GREB1: variants seen among roughly 807,000 people sequenced by gnomAD.
GREB1 encodes protein GREB1.
GREB1 carries 106 observed loss-of-function variants against 200.7 expected under a neutral mutation model. The ratio of observed to expected loss-of-function variants is 0.53; its 90% CI spans 0.45 to 0.62. The LOEUF is 0.62. GREB1 is among the 20% of genes least tolerant of loss of function. The probability of loss-of-function intolerance (pLI) is 0.00; values close to 1 mark genes in which losing one functional copy is unlikely to be tolerated. For missense variants in GREB1, 2,243 were observed against 2,556.8 expected (o/e 0.88, Z 2.65); for synonymous variants, 1,132 against 1,092.4 (o/e 1.04, Z -0.72).
At chr2:11,523,316 A>C (rs144948047) in intron 1 of GREB1, among the ~76,000 whole-genome samples, 1 of 152,056 alleles carries the variant, frequency 6.6e-6, no homozygotes, top group Admixed American at 6.5e-5. Flanking sequence ...CAATCTGTGC[A>C]AAACCCCCCC....
chr2:11,628,183 C>A (rs1351258139), intron 25 of GREB1, among the ~76,000 whole-genome samples: 1 of 152,178 alleles, frequency 6.6e-6, no homozygotes, highest in African/African-American at 2.4e-5. Context: ...GTCTCTTAGT[C>A]CCATGGAGGT....
chr2:11,608,276 T>A (rs1682592295), intron 17 of GREB1, among the ~76,000 whole-genome samples: 1 of 152,228 alleles, frequency 6.6e-6, no homozygotes, highest in Non-Finnish European at 1.5e-5. Flanking sequence ...ACAAGTTCAG[T>A]CTTTCCTCTA....
chr2:11,564,364 G>C (rs1444176133), intron 3 of GREB1, among the ~76,000 whole-genome samples: 1 of 152,084 alleles, frequency 6.6e-6, no homozygotes, highest in Non-Finnish European at 1.5e-5. Flanking sequence ...TATTTAAAAG[G>C]CCACTGAATT....
At chr2:11,527,985 G>T (rs1428450010) in intron 1 of GREB1, among the ~76,000 whole-genome samples, 1 of 152,094 alleles carries the variant, frequency 6.6e-6, no homozygotes, top group Non-Finnish European at 1.5e-5. Flanking sequence ...TCTTCTTTCT[G>T]CACTGACAGT....
intron 25 of GREB1, among the ~76,000 whole-genome samples, chr2:11,628,060 G>T (rs1684607931): frequency 1.3e-5 from 2 of 152,128 alleles, no homozygotes; most frequent in African/African-American, 4.8e-5. Flanking sequence ...AACTCGGAGG[G>T]CAGGCAGAGG....
At chr2:11,638,889 C>A in intron 32 of GREB1, 80 bp downstream of exon 32, 1 of 1,438,568 alleles carries the variant, frequency 7.0e-7, no homozygotes, top group Non-Finnish European at 9.5e-7. Flanking sequence ...GACCTTTGGT[C>A]CTAGTCCTTA....
At chr2:11,485,040 C>T (rs1023159767) in intron 1 of GREB1, among the ~76,000 whole-genome samples, 3 of 152,046 alleles carry the variant, frequency 2.0e-5, no homozygotes, top group East Asian at 3.9e-4. Context: ...GGGGTTTCAC[C>T]GTGGTCTCCA....
At chr2:11,569,886 G>A (rs1251562553) in intron 4 of GREB1, among the ~76,000 whole-genome samples, 1 of 152,082 alleles carries the variant, frequency 6.6e-6, no homozygotes, top group Non-Finnish European at 1.5e-5. Context: ...AGCGTGGCGG[G>A]GTGGGGTGCC....
intron 20 of GREB1, among the ~76,000 whole-genome samples, chr2:11,615,607 A>G (rs1322060110): frequency 1.3e-5 from 2 of 152,214 alleles, no homozygotes; most frequent in Non-Finnish European, 2.9e-5. Flanking sequence ...TTAGAGTTCA[A>G]GTTCAAAATT....
At chr2:11,589,257 A>T (rs1680488835) in intron 10 of GREB1, among the ~76,000 whole-genome samples, 1 of 152,196 alleles carries the variant, frequency 6.6e-6, no homozygotes, top group African/African-American at 2.4e-5. Context: ...AACCAGTGGA[A>T]AACAGGCAGG....
chr2:11,524,286 A>G (rs1468132024), intron 1 of GREB1, among the ~76,000 whole-genome samples: 1 of 152,218 alleles, frequency 6.6e-6, no homozygotes, highest in African/African-American at 2.4e-5. Context: ...TCTCATGGCC[A>G]GGCCCAGGAG....
intron 4 of GREB1, among the ~76,000 whole-genome samples, chr2:11,575,697 T>C (rs576009661): frequency 6.6e-6 from 1 of 152,346 alleles, no homozygotes; most frequent in African/African-American, 2.4e-5. Flanking sequence ...ATCAACTTGA[T>C]AGCAGGATGG....
intron 1 of GREB1, among the ~76,000 whole-genome samples, chr2:11,553,893 G>A (rs1676178532): frequency 6.6e-6 from 1 of 152,116 alleles, no homozygotes; most frequent in African/African-American, 2.4e-5. Context: ...CAGAGGACAT[G>A]ATTCTTCAGG....
chr2:11,625,391 G>C, intron 24 of GREB1, 79 bp downstream of exon 24: 1 of 1,413,772 alleles, frequency 7.1e-7, no homozygotes, highest in Non-Finnish European at 9.9e-7. Context: ...GATTTTGTTA[G>C]GCATGAAATC....
At position 11,600,893 on chromosome 2, in the gene GREB1, C is replaced by T. The variant is rs766148852; in HGVS notation, c.2427C>T (p.Asn809=). 1 of 1,614,036 alleles carries T rather than the reference C, an allele frequency of 6.2e-7. No homozygotes were observed. Among genetic ancestry groups the T allele is most frequent in the Non-Finnish European group, 8.5e-7 (1 of 1,179,908 alleles). ...LNCREVKEAP[N]IVTLHVTSFP... is the part of the protein sequence containing the mutation. ...GCAGGGAGGTGAAGGAGGCCCCCAA[C>T]ATTGTGACACTTCACGTGACCTCCT... is the stretch of plus-strand genomic sequence containing the variant. The change falls in exon 16 of 33, where the codon AAC becomes AAT. Residue 809 remains asparagine (N), a synonymous_variant. Coordinates refer to ENST00000381486, the MANE Select transcript of GREB1 (RefSeq NM_014668.4).
In GREB1 at chr2:11,633,201, G is replaced by A; in HGVS notation, c.4991+138G>A. ...AGTAGAAGGGGTGGTTGTGGTTGTG[G>A]TTCCCAGAGTCCTGGGTGTGGTAAA... is the stretch of plus-strand genomic sequence containing the variant. On this transcript the variant is annotated intron_variant, in intron 28 of 32. Coordinates refer to ENST00000381486, the MANE Select transcript of GREB1 (RefSeq NM_014668.4). The surrounding 1 kb of genome is among the most constrained non-coding windows in gnomAD (Gnocchi z 4.1). 1.2e-6 allele frequency: 1 copy of A among 801,274 alleles called. No individual in the cohort carries two copies. The highest frequency in any genetic ancestry group is 2.5e-5 in the East Asian group (1 of 39,456). 49.6% of individuals were successfully genotyped at this position (801,274 alleles called of 1,614,324 possible).
At chr2:11,567,564 C>T (rs993154171) in intron 4 of GREB1, among the ~76,000 whole-genome samples, 23 of 152,200 alleles carry the variant, frequency 1.5e-4, no homozygotes, top group African/African-American at 5.1e-4. Flanking sequence ...TACCATCCCA[C>T]GTGGTCTTGA....
At chr2:11,608,333 G>A (rs1682598499) in intron 17 of GREB1, among the ~76,000 whole-genome samples, 1 of 151,946 alleles carries the variant, frequency 6.6e-6, no homozygotes, top group Admixed American at 6.6e-5. Context: ...TTTTAATTTT[G>A]CTGTCTGCAA....
intron 19 of GREB1, among the ~76,000 whole-genome samples, chr2:11,613,112 G>A (rs1683087259): frequency 2.0e-5 from 3 of 152,202 alleles, no homozygotes; most frequent in African/African-American, 7.2e-5. Flanking sequence ...CCAGCACAGA[G>A]TGGACTGTCT....
Sources: allele counts gnomAD v4.1 joint callset (sites outside exome capture counted in the v4.1 genomes callset), GRCh38; gene constraint gnomAD v4.1.1; non-coding constraint Gnocchi (gnomAD v3.1); transcripts MANE v1.5; gene names NCBI Gene and HGNC (gene_info 2026-07-23, HGNC 2026-07-21).